Variants in FRMD4A observed in about 807,000 individuals in gnomAD.
The protein encoded by FRMD4A is FERM domain-containing protein 4A.
FRMD4A carries 29 observed loss-of-function variants against 129.1 expected under a neutral mutation model. That is an observed-to-expected ratio of 0.22 (90% CI 0.17 to 0.31). The LOEUF is 0.31. Among genes scored for constraint, FRMD4A ranks in the 10% least tolerant of loss-of-function variants. The probability of loss-of-function intolerance (pLI) is 1.00; values close to 1 mark genes in which losing one functional copy is unlikely to be tolerated. For missense variants in FRMD4A, 1,272 were observed against 1,375.8 expected, an observed-to-expected ratio of 0.92 and a Z score of 1.19; for synonymous variants, 634 against 571.6, an observed-to-expected ratio of 1.11 and a Z score of -1.56.
At chr10:14,054,760 G>A (rs1380322902) in intron 2 of FRMD4A, among the ~76,000 whole-genome samples, 1 of 152,178 alleles carries the variant, frequency 6.6e-6, no homozygotes, top group Non-Finnish European at 1.5e-5. Context: ...TTGTGGGAGG[G>A]ACCTCGTGGG....
intron 2 of FRMD4A, among the ~76,000 whole-genome samples, chr10:13,965,024 T>C (rs897849832): frequency 6.6e-6 from 1 of 151,740 alleles, no homozygotes; most frequent in South Asian, 2.1e-4. Context: ...CTCTGTTAAA[T>C]TTCCTCTTTT....
At chr10:13,819,021 G>A (rs1487106376) in intron 3 of FRMD4A, among the ~76,000 whole-genome samples, 5 of 152,026 alleles carry the variant, frequency 3.3e-5, no homozygotes, top group African/African-American at 4.8e-5. Context: ...CCAGCTACTC[G>A]AGAGGCTGAG....
chr10:13,971,528 G>A, intron 2 of FRMD4A: 2 of 480,742 alleles, frequency 4.2e-6, no homozygotes, highest in South Asian at 3.6e-5. Flanking sequence ...CATGTTAACT[G>A]CTCCCTGTTA....
chr10:14,283,049 CTA>C (rs1845572923), intron 2 of FRMD4A, among the ~76,000 whole-genome samples: 1 of 152,210 alleles, frequency 6.6e-6, no homozygotes, highest in African/African-American at 2.4e-5. Flanking sequence ...CATTTAAGAG[CTA>C]TGTCTTCAAG....
chr10:14,272,466 A>G (rs1845194554), intron 2 of FRMD4A, among the ~76,000 whole-genome samples: 1 of 152,192 alleles, frequency 6.6e-6, no homozygotes, highest in South Asian at 2.1e-4. Context: ...GACGAAATGG[A>G]GGTCAAAGTC....
intron 2 of FRMD4A, among the ~76,000 whole-genome samples, chr10:14,250,515 T>C (rs1844401296): frequency 6.6e-6 from 1 of 152,224 alleles, no homozygotes; most frequent in African/African-American, 2.4e-5. Context: ...GTCTATAATC[T>C]GTTTGGTCTC....
intron 2 of FRMD4A, among the ~76,000 whole-genome samples, chr10:13,886,860 G>A (rs1486625695): frequency 2.0e-4 from 30 of 152,214 alleles, no homozygotes; most frequent in Non-Finnish European, 4.4e-5. Context: ...CATGAGCAGC[G>A]AGTTAATGTA....
At chr10:14,154,342 A>G (rs1220728150) in intron 2 of FRMD4A, among the ~76,000 whole-genome samples, 2 of 152,150 alleles carry the variant, frequency 1.3e-5, no homozygotes, top group African/African-American at 4.8e-5. Context: ...TTTTGATATC[A>G]TTGAGATTTT....
chr10:13,873,151 G>T (rs1474341045), intron 2 of FRMD4A, among the ~76,000 whole-genome samples: 4 of 145,916 alleles, frequency 2.7e-5, no homozygotes, highest in Non-Finnish European at 6.0e-5. Context: ...ACTCCAGCAT[G>T]GGTGAAAAGA....
At chr10:14,025,306 T>A (rs955453370) in intron 2 of FRMD4A, among the ~76,000 whole-genome samples, 3 of 152,142 alleles carry the variant, frequency 2.0e-5, no homozygotes, top group Non-Finnish European at 4.4e-5. Flanking sequence ...TTGCTTTTTT[T>A]TTTTAACTTA....
chr10:13,788,855 C>A (rs1250371547), intron 5 of FRMD4A, among the ~76,000 whole-genome samples: 1 of 152,156 alleles, frequency 6.6e-6, no homozygotes, highest in Non-Finnish European at 1.5e-5. Flanking sequence ...GTGAAAGCCT[C>A]TGGTTGCAAT....
intron 2 of FRMD4A, among the ~76,000 whole-genome samples, chr10:14,199,001 T>C (rs888626675): frequency 3.9e-5 from 6 of 152,310 alleles, no homozygotes; most frequent in African/African-American, 1.4e-4. Flanking sequence ...TTATTTATGG[T>C]TACATTTAAG....
intron 2 of FRMD4A, among the ~76,000 whole-genome samples, chr10:14,173,708 A>G (rs973546025): frequency 5.9e-5 from 9 of 152,244 alleles, no homozygotes; most frequent in Admixed American, 3.3e-4. Flanking sequence ...CGAGGGCTGC[A>G]CGGCCCCAAA....
chr10:13,909,239 G>C (rs936397862), intron 2 of FRMD4A, among the ~76,000 whole-genome samples: 2 of 152,228 alleles, frequency 1.3e-5, no homozygotes, highest in African/African-American at 2.4e-5. Context: ...ATGAATGAAA[G>C]GGTGCAAGGA....
chr10:14,023,168 T>C (rs184038098), intron 2 of FRMD4A, among the ~76,000 whole-genome samples: 2 of 152,142 alleles, frequency 1.3e-5, no homozygotes, highest in East Asian at 3.9e-4. Context: ...AGAAGGACGC[T>C]CTCCCTTCTG....
intron 11 of FRMD4A, among the ~76,000 whole-genome samples, chr10:13,738,413 A>C (rs1056822156): frequency 6.6e-5 from 10 of 152,178 alleles, no homozygotes; most frequent in Non-Finnish European, 1.3e-4. Flanking sequence ...TCATTTTAAC[A>C]ACAAATCACA....
chr10:13,953,992 G>A (rs930872976), intron 2 of FRMD4A, among the ~76,000 whole-genome samples: 1 of 152,012 alleles, frequency 6.6e-6, no homozygotes, highest in African/African-American at 2.4e-5. Context: ...ATCACCATAG[G>A]GCAGCAGCCG....
intron 3 of FRMD4A, among the ~76,000 whole-genome samples, chr10:13,836,755 C>CTTTTTTTTT (rs35995042): frequency 9.1e-6 from 1 of 110,050 alleles, no homozygotes. Context: ...CTCAGTGGTT[C>CTTTTTTTTT]TTTTTTTTTT....
intron 2 of FRMD4A, among the ~76,000 whole-genome samples, chr10:14,210,783 A>G (rs1221798202): frequency 6.6e-6 from 1 of 152,182 alleles, no homozygotes; most frequent in East Asian, 1.9e-4. Context: ...GCTGGAGTGC[A>G]GTGACACAGT....
Sources: allele counts gnomAD v4.1 joint callset (sites outside exome capture counted in the v4.1 genomes callset), GRCh38; gene constraint gnomAD v4.1.1; transcripts MANE v1.5; gene names NCBI Gene and HGNC (gene_info 2026-07-23, HGNC 2026-07-21).